Variants in VTA1 observed in about 807,000 individuals in gnomAD.
VTA1 encodes vacuolar protein sorting-associated protein VTA1 homolog.
In VTA1, 24 loss-of-function variants were observed where a neutral mutation model predicts 36.9. The ratio of observed to expected loss-of-function variants is 0.65; its 90% CI spans 0.47 to 0.91. The LOEUF (loss-of-function observed/expected upper bound fraction) is 0.91. VTA1 is among the 40% of genes least tolerant of loss of function. VTA1 has a pLI of 0.00. For synonymous variants in VTA1, 142 were observed against 130.2 expected, an observed-to-expected ratio of 1.09 and a Z score of -0.62; for missense variants, 393 against 377.2, an observed-to-expected ratio of 1.04 and a Z score of -0.35.
intron 4 of VTA1, among the ~76,000 whole-genome samples, chr6:142,179,419 G>A (rs536774869): frequency 1.1e-4 from 17 of 152,132 alleles, no homozygotes; most frequent in Non-Finnish European, 1.8e-4. Context: ...ACTTGTTGAG[G>A]AGTGCTTATG....
At chr6:142,201,276 C>G (rs1775679898) in intron 6 of VTA1, among the ~76,000 whole-genome samples, 1 of 151,706 alleles carries the variant, frequency 6.6e-6, no homozygotes, top group Admixed American at 6.6e-5. Flanking sequence ...GCAAATGTTT[C>G]CCCTCTTACT....
At chr6:142,174,840 C>A (rs1425326008) in intron 4 of VTA1, among the ~76,000 whole-genome samples, 1 of 152,140 alleles carries the variant, frequency 6.6e-6, no homozygotes, top group African/African-American at 2.4e-5. Context: ...TGGCGTCTCT[C>A]TTGCTGCCTC....
At chr6:142,156,493 A>C (rs1778665253) in intron 1 of VTA1, among the ~76,000 whole-genome samples, 1 of 152,186 alleles carries the variant, frequency 6.6e-6, no homozygotes, top group Non-Finnish European at 1.5e-5. Context: ...CTTTACTAAA[A>C]GTGGGCACTG....
chr6:142,160,612 G>T (rs889091299), intron 1 of VTA1, among the ~76,000 whole-genome samples: 1 of 152,010 alleles, frequency 6.6e-6, no homozygotes, highest in African/African-American at 2.4e-5. Context: ...TTAGTTTGGC[G>T]TGTGCCTCCG....
intron 4 of VTA1, among the ~76,000 whole-genome samples, chr6:142,178,179 A>G (rs1775160276): frequency 6.6e-6 from 1 of 152,170 alleles, no homozygotes; most frequent in African/African-American, 2.4e-5. Flanking sequence ...ATCTTGAAAA[A>G]GCAGCCTTGA....
chr6:142,167,947 C>T (rs1238521547), intron 2 of VTA1, among the ~76,000 whole-genome samples: 2 of 152,180 alleles, frequency 1.3e-5, no homozygotes, highest in African/African-American at 2.4e-5. Context: ...GCAGTAGTAG[C>T]TCAGATAATA....
At chr6:142,200,117 A>AAGC (rs1171750204) in intron 6 of VTA1, among the ~76,000 whole-genome samples, 3 of 152,130 alleles carry the variant, frequency 2.0e-5, no homozygotes, top group Middle Eastern at 3.2e-3. Context: ...CCCCATGCTA[A>AAGC]AGCATAAACT....
intron 1 of VTA1, among the ~76,000 whole-genome samples, chr6:142,149,396 A>G (rs1778522189): frequency 6.6e-6 from 1 of 152,196 alleles, no homozygotes; most frequent in Non-Finnish European, 1.5e-5. Context: ...TGCCTATCAC[A>G]TTTGATGTTA....
intron 1 of VTA1, among the ~76,000 whole-genome samples, chr6:142,156,769 A>G (rs1778670812): frequency 6.6e-6 from 1 of 152,214 alleles, no homozygotes; most frequent in Non-Finnish European, 1.5e-5. Context: ...GTATATATAA[A>G]GTTATTTCAG....
chr6:142,208,317 C>G (rs1775835329), intron 7 of VTA1, among the ~76,000 whole-genome samples: 1 of 151,878 alleles, frequency 6.6e-6, no homozygotes, highest in South Asian at 2.1e-4. Flanking sequence ...TTGAGGCTCT[C>G]AACAACAGAA....
intron 7 of VTA1, among the ~76,000 whole-genome samples, chr6:142,208,769 TAAAA>T (rs963520750): frequency 5.3e-5 from 8 of 151,388 alleles, no homozygotes; most frequent in African/African-American, 1.9e-4. Flanking sequence ...TGGAACATTT[TAAAA>T]AAAAACTGTC....
intron 5 of VTA1, among the ~76,000 whole-genome samples, chr6:142,195,594 G>GT (rs1775528509): frequency 1.5e-5 from 1 of 64,594 alleles, no homozygotes; most frequent in African/African-American, 5.7e-5. Context: ...AGTTTAATTT[G>GT]CTTTTTTTTT....
chr6:142,207,870 G>A (rs1363175541), intron 7 of VTA1, among the ~76,000 whole-genome samples: 1 of 152,024 alleles, frequency 6.6e-6, no homozygotes, highest in African/African-American at 2.4e-5. Flanking sequence ...GATTACCTGA[G>A]GTCAGGAGTT....
At chr6:142,152,909 T>TACC (rs2114628292) in intron 1 of VTA1, among the ~76,000 whole-genome samples, 2 of 152,226 alleles carry the variant, frequency 1.3e-5, no homozygotes, top group African/African-American at 4.8e-5. Flanking sequence ...GGCTATGTGC[T>TACC]ACCCTCTGCC....
At chr6:142,152,218 C>CT (rs1778582369) in intron 1 of VTA1, among the ~76,000 whole-genome samples, 1 of 151,626 alleles carries the variant, frequency 6.6e-6, no homozygotes, top group African/African-American at 2.4e-5. Context: ...GATGATGAAT[C>CT]TTTATAATAT....
At chr6:142,204,377 A>G (rs1582901930) in intron 7 of VTA1, among the ~76,000 whole-genome samples, 1 of 152,266 alleles carries the variant, frequency 6.6e-6, no homozygotes, top group Non-Finnish European at 1.5e-5. Flanking sequence ...GATTATATTA[A>G]TTTAGTTCGA....
intron 5 of VTA1, among the ~76,000 whole-genome samples, chr6:142,193,333 G>A (rs1775488933): frequency 6.6e-6 from 1 of 152,062 alleles, no homozygotes; most frequent in African/African-American, 2.4e-5. Flanking sequence ...CTTGGGTAAT[G>A]TGGTGTCTTC....
chr6:142,191,679 G>A (rs1775459007), intron 5 of VTA1, among the ~76,000 whole-genome samples: 1 of 151,942 alleles, frequency 6.6e-6, no homozygotes, highest in South Asian at 2.1e-4. Flanking sequence ...TATTTTCACT[G>A]CATACTTTTT....
At chr6:142,151,089 C>T (rs1038283540) in intron 1 of VTA1, among the ~76,000 whole-genome samples, 9 of 151,848 alleles carry the variant, frequency 5.9e-5, no homozygotes, top group Non-Finnish European at 1.0e-4. Flanking sequence ...AGTGGATCTC[C>T]GAAGAGGGAG....
Sources: allele counts gnomAD v4.1 joint callset (sites outside exome capture counted in the v4.1 genomes callset), GRCh38; gene constraint gnomAD v4.1.1; transcripts MANE v1.5; gene names NCBI Gene and HGNC (gene_info 2026-07-23, HGNC 2026-07-21).